Variants in MITF observed in about 807,000 individuals in gnomAD.
The protein encoded by MITF is melanocyte inducing transcription factor.
A neutral mutation model predicts 60.5 loss-of-function variants in MITF; 17 were observed. The ratio of observed to expected loss-of-function variants is 0.28; its 90% CI spans 0.19 to 0.42. The LOEUF is 0.42. Ranked by LOEUF, MITF falls within the 10% of genes least tolerant of loss-of-function variation. The pLI is 1.00. For missense variants in MITF, 622 were observed against 683.5 expected, an observed-to-expected ratio of 0.91 and a Z score of 1.00; for synonymous variants, 260 against 248.5, an observed-to-expected ratio of 1.05 and a Z score of -0.43.
At chr3:69,836,016 T>A (rs1200609772) in intron 1 of MITF, among the ~76,000 whole-genome samples, 1 of 152,136 alleles carries the variant, frequency 6.6e-6, no homozygotes, top group Non-Finnish European at 1.5e-5. Context: ...AAGAATGTCA[T>A]TGGTATTTTG....
intron 5 of MITF, 28 bp from the exon 6 acceptor site, chr3:69,949,023 A>T: frequency 1.3e-6 from 2 of 1,489,536 alleles, no homozygotes; most frequent in Middle Eastern, 1.7e-4. Context: ...TCAACAGTTA[A>T]TTTCTGTTAC....
At position 69,965,175 on chromosome 3, in the gene MITF, T is replaced by C; in HGVS notation, c.1508T>C (p.Val503Ala). The change falls in exon 10 of 10, where the codon GTG becomes GCG. Residue 503 changes from valine (V) to alanine (A), a missense_variant. Around this residue, in one of 5 missense-constraint regions of MITF, gnomAD observed 224 missense variants for 209.5 expected, o/e 1.07. Coordinates refer to ENST00000352241, the MANE Select transcript of MITF (RefSeq NM_001354604.2). Reference sequence around the variant, plus strand: ...GTCACTGATCCACTCCTTTCCTCAGTGTCCCCCGGAGCTTCCAAAACAAGC... The same window carrying C: ...GTCACTGATCCACTCCTTTCCTCAGCGTCCCCCGGAGCTTCCAAAACAAGC... ...VGVTDPLLSS[V>A]SPGASKTSSR... 2 of 1,613,948 alleles carry C rather than the reference T, an allele frequency of 1.2e-6. No individual in the cohort carries two copies. The highest frequency in any genetic ancestry group is 1.7e-6 in the Non-Finnish European group (2 of 1,179,872).
chr3:69,920,360 T>A (rs746646399), intron 2 of MITF, among the ~76,000 whole-genome samples: 1 of 152,084 alleles, frequency 6.6e-6, no homozygotes, highest in Non-Finnish European at 1.5e-5. Context: ...CTCCACCTCT[T>A]GTGGAGGGCC....
chr3:69,793,446 G>A (rs1054800920), intron 1 of MITF, among the ~76,000 whole-genome samples: 6 of 111,180 alleles, frequency 5.4e-5, no homozygotes, highest in Admixed American at 1.9e-4. Context: ...GTGAGTAGCT[G>A]TGCTGTGTGT....
At position 69,967,393 on chromosome 3, in the gene MITF, A is replaced by G. The variant is rs2066715614; in HGVS notation, c.*2145A>G. On this transcript the variant is annotated 3_prime_UTR_variant, in exon 10 of 10. Transcript: ENST00000352241. The stretch of plus-strand genomic sequence containing the variant: ...TAGCATTGTCTATTTTTCTCTTCAT[A>G]TTTATATGGGGGGGAGGGCGCTGGA... 2 of 232,312 alleles carry G rather than the reference A, an allele frequency of 8.6e-6. No individual in the cohort carries two copies. 14.4% of individuals were successfully genotyped at this position (232,312 alleles called of 1,614,324 possible). A position where few individuals can be genotyped will look rare whatever the true frequency, so the allele number is the denominator to read the frequency against.
chr3:69,910,844 G>T (rs1202642960), intron 2 of MITF, among the ~76,000 whole-genome samples: 1 of 152,112 alleles, frequency 6.6e-6, no homozygotes, highest in African/African-American at 2.4e-5. Flanking sequence ...GAAGGGACTT[G>T]CCTTGTCCCT....
chr3:69,755,271 G>A (rs1256659138), intron 1 of MITF, among the ~76,000 whole-genome samples: 2 of 152,058 alleles, frequency 1.3e-5, no homozygotes, highest in Non-Finnish European at 2.9e-5. Context: ...CAGAAATCTC[G>A]AATTCCTAAC....
At chr3:69,959,629 G>A (rs2066490817) in intron 9 of MITF, among the ~76,000 whole-genome samples, 1 of 152,184 alleles carries the variant, frequency 6.6e-6, no homozygotes, top group African/African-American at 2.4e-5. Context: ...TTGGACATGT[G>A]CAGAGTGGCA....
intron 1 of MITF, among the ~76,000 whole-genome samples, chr3:69,786,725 A>G (rs2062655700): frequency 6.6e-6 from 1 of 152,168 alleles, no homozygotes; most frequent in South Asian, 2.1e-4. Context: ...TCTGGGGCAT[A>G]CATCCGTGGA....
At chr3:69,767,230 GTAAT>G (rs1255461991) in intron 1 of MITF, among the ~76,000 whole-genome samples, 2 of 152,162 alleles carry the variant, frequency 1.3e-5, no homozygotes, top group Admixed American at 1.3e-4. Flanking sequence ...TGGCCAGCCT[GTAAT>G]TCATGGGCTC....
chr3:69,806,066 C>T (rs941548672), intron 1 of MITF, among the ~76,000 whole-genome samples: 6 of 151,486 alleles, frequency 4.0e-5, no homozygotes, highest in East Asian at 2.0e-4. Context: ...TTGGGGTCCA[C>T]GGTATCTGTT....
intron 1 of MITF, among the ~76,000 whole-genome samples, chr3:69,784,391 G>C (rs926816749): frequency 2.6e-5 from 4 of 151,966 alleles, no homozygotes; most frequent in Admixed American, 2.0e-4. Context: ...CTACTTTTTG[G>C]GGTAAGAGAA....
At chr3:69,865,608 T>C (rs1428454204) in intron 1 of MITF, among the ~76,000 whole-genome samples, 1 of 152,180 alleles carries the variant, frequency 6.6e-6, no homozygotes, top group Non-Finnish European at 1.5e-5. Flanking sequence ...TCCTGAAAGA[T>C]GGTGGCCATA....
chr3:69,752,751 C>T (rs955454106), intron 1 of MITF, among the ~76,000 whole-genome samples: 1 of 152,110 alleles, frequency 6.6e-6, no homozygotes, highest in African/African-American at 2.4e-5. Context: ...AGCACAATCC[C>T]CTTGGTCCTG....
chr3:69,773,289 G>A (rs182340938), intron 1 of MITF, among the ~76,000 whole-genome samples: 4 of 152,170 alleles, frequency 2.6e-5, no homozygotes, highest in African/African-American at 9.7e-5. Flanking sequence ...GTGAAGGAAT[G>A]GGATTGGGGC....
chr3:69,771,725 C>T (rs973207875), intron 1 of MITF, among the ~76,000 whole-genome samples: 9 of 152,094 alleles, frequency 5.9e-5, no homozygotes, highest in Non-Finnish European at 1.3e-4. Context: ...AAATTAATGC[C>T]ATTTAAAAAT....
intron 1 of MITF, chr3:69,763,851 C>T (rs1428971222): frequency 7.3e-7 from 1 of 1,370,904 alleles, no homozygotes; most frequent in South Asian, 1.2e-5. Flanking sequence ...AATGGGACAC[C>T]TTGAAAATAC....
At chr3:69,818,997 A>G (rs62251035) in intron 1 of MITF, among the ~76,000 whole-genome samples, 51,462 of 152,128 alleles carry the variant, frequency 0.34, 9,729 homozygotes, top group Non-Finnish European at 0.43. Flanking sequence ...CATATGCTTC[A>G]GTGTTCCTCA....
intron 1 of MITF, among the ~76,000 whole-genome samples, chr3:69,875,024 A>C (rs2064322085): frequency 6.6e-6 from 1 of 152,184 alleles, no homozygotes; most frequent in South Asian, 2.1e-4. Flanking sequence ...ACCTCCAGCC[A>C]CTGTGCTGAA....
Sources: gnomAD v4.1 joint callset for allele counts (sites outside exome capture counted in the v4.1 genomes callset) on GRCh38, gnomAD v4.1.1 for gene constraint, gnomAD v4.1.1 regional missense constraint, MANE v1.5 for transcripts, NCBI Gene and HGNC (gene_info 2026-07-23, HGNC 2026-07-21) for gene names.